ARRB1: variants seen among roughly 807,000 people sequenced by gnomAD.
ARRB1 encodes beta-arrestin-1.
Under a neutral mutation model 56.8 loss-of-function variants are expected in ARRB1, and 21 were observed. The observed-to-expected ratio is 0.37, with a 90% CI of 0.26 to 0.53. The LOEUF is 0.53. Among genes scored for constraint, ARRB1 ranks in the 20% least tolerant of loss-of-function variants. The pLI, the probability that ARRB1 is intolerant of heterozygous loss-of-function variation, is 0.88. For missense variants in ARRB1, 424 were observed against 553.7 expected (o/e 0.77, Z 2.35); for synonymous variants, 210 against 218.6 (o/e 0.96, Z 0.35).
intron 1 of ARRB1, among the ~76,000 whole-genome samples, chr11:75,330,068 T>C (rs1481235712): frequency 6.6e-6 from 1 of 151,990 alleles, no homozygotes; most frequent in Non-Finnish European, 1.5e-5. Flanking sequence ...CTGACAAATT[T>C]GCACTGAATG....
At chr11:75,317,716 G>A (rs56851527) in intron 1 of ARRB1, among the ~76,000 whole-genome samples, 14,190 of 152,192 alleles carry the variant, frequency 0.093, 944 homozygotes, top group Admixed American at 0.22. Flanking sequence ...CTCCACACTC[G>A]CCTGTGCCAG....
chr11:75,332,125 CCT>C (rs1947532090), intron 1 of ARRB1, among the ~76,000 whole-genome samples: 3 of 152,096 alleles, frequency 2.0e-5, no homozygotes, highest in African/African-American at 7.2e-5. Context: ...CTGCCCCACC[CCT>C]ATCTCTCTCT....
chr11:75,347,292 C>A (rs1375475452), intron 1 of ARRB1, among the ~76,000 whole-genome samples: 1 of 152,226 alleles, frequency 6.6e-6, no homozygotes, highest in African/African-American at 2.4e-5. Flanking sequence ...CTGGCCAAAG[C>A]CACAGGACTT....
rs9804521 is a variant in ARRB1, at chr11:75,285,427, T to G, written c.113-1148A>C. 5.4e-3 allele frequency among the ~76,000 whole-genome samples: 823 copies of G among 152,288 alleles called. 4 individuals are homozygous for G. The highest frequency in any genetic ancestry group is 0.019 in the African/African-American group (801 of 41,550). On this transcript the variant is annotated intron_variant, in intron 3 of 15. Transcript: ENST00000420843. ...TTGGCTGACATCCCCTGTCTATCTT[T>G]GGCCAAACCTTTCTTTCCTCTCTCT... is the stretch of plus-strand genomic sequence containing the variant.
At chr11:75,337,522 C>T (rs1947624648) in intron 1 of ARRB1, among the ~76,000 whole-genome samples, 1 of 152,174 alleles carries the variant, frequency 6.6e-6, no homozygotes, top group African/African-American at 2.4e-5. Context: ...ACTCCCTAAC[C>T]CAAGTCTGGC....
chr11:75,305,844 T>C (rs1162950157), intron 1 of ARRB1, among the ~76,000 whole-genome samples: 1 of 151,988 alleles, frequency 6.6e-6, no homozygotes, highest in Admixed American at 6.6e-5. Context: ...CCCCCACATA[T>C]ACAACATGCA....
intron 5 of ARRB1, 149 bp from the exon 6 acceptor site, chr11:75,282,170 C>A: frequency 1.4e-6 from 1 of 720,576 alleles, no homozygotes; most frequent in Non-Finnish European, 2.3e-6. Flanking sequence ...CCAAGCCATG[C>A]CCCATCTAAA....
In ARRB1 at chr11:75,338,614, A is replaced by T. The variant is rs1026290104; in HGVS notation, c.20+12974T>A. ...TTCTTTGAAAGTTCTCCCTACTACA[A>T]AGTTTACTCTGCAAATGGTGAACAT... is the stretch of plus-strand genomic sequence containing the variant. On this transcript the variant is annotated intron_variant, in intron 1 of 15. Coordinates refer to ENST00000420843, the MANE Select transcript of ARRB1 (RefSeq NM_004041.5). 2.8e-4 allele frequency among the ~76,000 whole-genome samples: 43 copies of T among 152,148 alleles called. 1 individual carries two copies. The highest frequency in any genetic ancestry group is 8.9e-4 in the African/African-American group (37 of 41,426).
At chr11:75,284,950 T>C (rs980361340) in intron 3 of ARRB1, among the ~76,000 whole-genome samples, 7 of 152,132 alleles carry the variant, frequency 4.6e-5, no homozygotes, top group Admixed American at 2.0e-4. Flanking sequence ...ACATGTTCCA[T>C]ATATTCTGTA....
chr11:75,303,657 C>T (rs568458717), intron 1 of ARRB1: 30 of 456,292 alleles, frequency 6.6e-5, no homozygotes, highest in South Asian at 1.2e-4. Context: ...TACAGGGCAG[C>T]GGAAGGCAGA....
rs530555371 is a variant in ARRB1, at chr11:75,274,529, C to T, written c.777-318G>A. The stretch of plus-strand genomic sequence containing the variant: ...ACAGCCAGCCGGGTGCAGTGGCTCA[C>T]GCCTGTAATCCCAGCATTTTGGGAG... On this transcript the variant is annotated intron_variant, in intron 10 of 15. Coordinates refer to ENST00000420843, the MANE Select transcript of ARRB1 (RefSeq NM_004041.5). 4.1e-5 allele frequency: 9 copies of T among 219,234 alleles called. No homozygotes were observed. In the East Asian group the frequency reaches 4.1e-4, roughly 10 times the overall value. The allele number at this position is 219,234 out of a possible 1,614,324, so 13.6% of individuals were successfully genotyped here.
chr11:75,328,269 T>A (rs912786195), intron 1 of ARRB1, among the ~76,000 whole-genome samples: 19 of 152,242 alleles, frequency 1.2e-4, no homozygotes, highest in Non-Finnish European at 2.5e-4. Context: ...ATAGCATGGA[T>A]CAGTATTTCA....
Position 75,264,786 on chromosome 11 carries a change from C to T in ARRB1, c.*1377G>A, listed in dbSNP as rs376070707. 33 of 152,342 alleles carry T rather than the reference C, an allele frequency of 2.2e-4. No individual in the cohort carries two copies. In the East Asian group the frequency reaches 5.8e-3, roughly 27 times the overall value. 9.4% of individuals were successfully genotyped at this position (152,342 alleles called of 1,614,324 possible). A position where few individuals can be genotyped will look rare whatever the true frequency, so the allele number is the denominator to read the frequency against. ...CTTTCCCAAGTGAGAAACTGAGGCC[C>T]AGAGTGGGGAAGGAACTTGCCCAAA... is the stretch of plus-strand genomic sequence containing the variant. On this transcript the variant is annotated 3_prime_UTR_variant, in exon 16 of 16. Transcript: ENST00000420843.
rs1274061744 is a variant in ARRB1, at chr11:75,281,486, G to A, written c.415-344C>T. The A allele has an allele frequency of 3.3e-5, 12 of 365,314 alleles. No individual in the cohort carries two copies. The East Asian group carries it at 3.6e-4, about 11-fold the overall frequency. The allele number at this position is 365,314 out of a possible 1,614,324, so 22.6% of individuals were successfully genotyped here. On this transcript the variant is annotated intron_variant, in intron 6 of 15. Coordinates refer to ENST00000420843, the MANE Select transcript of ARRB1 (RefSeq NM_004041.5). ...GGCGCCTACTACTGTGTGCACACCC[G>A]GCCCTGGGTGGCTTATCCGGTATTC...
chr11:75,336,636 T>G (rs139750545), intron 1 of ARRB1, among the ~76,000 whole-genome samples: 1 of 152,058 alleles, frequency 6.6e-6, no homozygotes, highest in East Asian at 1.9e-4. Context: ...CCAGGAAAAT[T>G]GGGATGGCTG....
chr11:75,308,449 C>A (rs1947078735), intron 1 of ARRB1, among the ~76,000 whole-genome samples: 1 of 152,198 alleles, frequency 6.6e-6, no homozygotes. Flanking sequence ...GGCATATTTT[C>A]TTATTAAGAA....
chr11:75,288,184 T>C (rs1168141633), intron 2 of ARRB1, among the ~76,000 whole-genome samples: 1 of 152,144 alleles, frequency 6.6e-6, no homozygotes, highest in Admixed American at 6.5e-5. Context: ...TTAAATTGAG[T>C]TAAAAGTATA....
intron 11 of ARRB1, 51 bp downstream of exon 11, chr11:75,274,023 C>G (rs372028499): frequency 1.2e-5 from 20 of 1,612,578 alleles, no homozygotes; most frequent in Non-Finnish European, 1.7e-5. Context: ...GGGTGTGGCC[C>G]CATCAGGCAA....
intron 1 of ARRB1, among the ~76,000 whole-genome samples, chr11:75,302,431 G>C (rs776291333): frequency 1.3e-5 from 2 of 152,252 alleles, no homozygotes; most frequent in Non-Finnish European, 2.9e-5. Context: ...TGAAGCTGGA[G>C]ATCTGAAAAT....
Sources: gnomAD v4.1 joint callset for allele counts (sites outside exome capture counted in the v4.1 genomes callset) on GRCh38, gnomAD v4.1.1 for gene constraint, MANE v1.5 for transcripts, NCBI Gene and HGNC (gene_info 2026-07-23, HGNC 2026-07-21) for gene names.